The following KDM4C variants were observed in gnomAD, a reference collection of about 807,000 sequenced individuals.
KDM4C encodes the protein lysine-specific demethylase 4C.
In KDM4C, 81 loss-of-function variants were observed where a neutral mutation model predicts 129.3. That is an observed-to-expected ratio of 0.63 (90% CI 0.52 to 0.75). The LOEUF (loss-of-function observed/expected upper bound fraction) is 0.75, where lower values mean the gene tolerates loss of function less well. KDM4C is among the 30% of genes least tolerant of loss of function. The probability of loss-of-function intolerance (pLI) is 0.00; values close to 1 mark genes in which losing one functional copy is unlikely to be tolerated. For synonymous variants in KDM4C, 573 were observed against 456.1 expected (o/e 1.26, Z -3.26); for missense variants, 1,457 against 1,304.0 (o/e 1.12, Z -1.81).
intron 8 of KDM4C, among the ~76,000 whole-genome samples, chr9:6,930,128 A>G (rs1823395197): frequency 6.6e-6 from 1 of 152,198 alleles, no homozygotes; most frequent in Admixed American, 6.5e-5. Flanking sequence ...TCTATCGCCT[A>G]AGATTCCCTG....
intron 7 of KDM4C, among the ~76,000 whole-genome samples, chr9:6,890,902 G>A (rs374820163): frequency 1.8e-4 from 28 of 152,202 alleles, no homozygotes; most frequent in African/African-American, 5.3e-4. Context: ...AGCTTGAACC[G>A]TGCTGGGCAC....
chr9:6,824,989 C>CA (rs946283723), intron 4 of KDM4C, among the ~76,000 whole-genome samples: 10 of 151,392 alleles, frequency 6.6e-5, no homozygotes, highest in Non-Finnish European at 1.5e-4. Context: ...ACTAAAAATA[C>CA]AAAAAAATTA....
chr9:7,077,732 A>C (rs1260602579), intron 17 of KDM4C, among the ~76,000 whole-genome samples: 1 of 152,182 alleles, frequency 6.6e-6, no homozygotes, highest in Non-Finnish European at 1.5e-5. Flanking sequence ...GGACTTCACA[A>C]TGTAAGTCAG....
chr9:7,016,379 G>A (rs7848038), intron 15 of KDM4C, among the ~76,000 whole-genome samples: 74,345 of 147,974 alleles, frequency 0.5, 20,045 homozygotes, highest in Non-Finnish European at 0.61. Context: ...TGCTCGCCTC[G>A]GCCTCCCAAA....
At position 6,981,135 on chromosome 9, in the gene KDM4C, C is replaced by T; in HGVS notation, c.1115+17C>T. The T allele has an allele frequency of 1.9e-6, 3 of 1,588,426 alleles. No individual in the cohort carries two copies. The highest frequency in any genetic ancestry group is 2.6e-6 in the Non-Finnish European group (3 of 1,168,778). On this transcript the variant is annotated intron_variant, in intron 9 of 21. Transcript: ENST00000381309. ...ATCCCGAAGGTAATGACCCCTCACCCCACTGACCTGCCTTGCCTGTCGTGT... is the reference window on the plus strand; with the variant it reads ...ATCCCGAAGGTAATGACCCCTCACCTCACTGACCTGCCTTGCCTGTCGTGT...
At position 7,032,865 on chromosome 9, in the gene KDM4C, G is replaced by T. The variant is rs1196065863; in HGVS notation, c.2260-13997G>T. On this transcript the variant is annotated intron_variant, in intron 15 of 21. Transcript: ENST00000381309. ...CCAGCACTAACTTCTGGCGTTACTG[G>T]TTTTCTACTTAACGTAGAATAATTA... is the stretch of plus-strand genomic sequence containing the variant. Among the ~76,000 whole-genome samples, 6 of 152,158 alleles carry T rather than the reference G, an allele frequency of 3.9e-5. No individual in the cohort carries two copies. The East Asian group carries it at 9.6e-4, about 24-fold the overall frequency.
At chr9:6,807,876 C>T (rs1364382307) in intron 3 of KDM4C, among the ~76,000 whole-genome samples, 46 of 146,386 alleles carry the variant, frequency 3.1e-4, no homozygotes, top group African/African-American at 9.8e-4. Context: ...CCAGCCGCCC[C>T]GTCCGGGAGG....
intron 8 of KDM4C, among the ~76,000 whole-genome samples, chr9:6,952,150 C>G (rs1828267574): frequency 6.6e-6 from 1 of 151,972 alleles, no homozygotes; most frequent in Non-Finnish European, 1.5e-5. Flanking sequence ...AAATGCACCC[C>G]CTACAACCTG....
intron 17 of KDM4C, among the ~76,000 whole-genome samples, chr9:7,075,174 C>A (rs1461139352): frequency 1.3e-5 from 2 of 152,120 alleles, no homozygotes; most frequent in African/African-American, 4.8e-5. Context: ...TGTTCAGCAT[C>A]CCCCAGAACG....
At chr9:7,008,553 T>C (rs1822104167) in intron 12 of KDM4C, among the ~76,000 whole-genome samples, 1 of 152,194 alleles carries the variant, frequency 6.6e-6, no homozygotes, top group South Asian at 2.1e-4. Context: ...TAGTGAACCC[T>C]GGGTACAGGT....
chr9:7,013,029 T>TC (rs1186585651), intron 13 of KDM4C, among the ~76,000 whole-genome samples: 4 of 152,196 alleles, frequency 2.6e-5, no homozygotes, highest in African/African-American at 9.7e-5. Context: ...ACATTATTTT[T>TC]CTCTTCCTTT....
intron 4 of KDM4C, among the ~76,000 whole-genome samples, chr9:6,843,945 C>T (rs187727103): frequency 2.2e-3 from 341 of 152,222 alleles, no homozygotes; most frequent in Admixed American, 3.9e-3. Context: ...CAACTCCCTC[C>T]TCAGCCGCCT....
chr9:6,967,157 C>T (rs1331600498), intron 8 of KDM4C, among the ~76,000 whole-genome samples: 1 of 152,162 alleles, frequency 6.6e-6, no homozygotes, highest in African/African-American at 2.4e-5. Flanking sequence ...GGCATGGTGG[C>T]TCACACCTGT....
At chr9:7,033,391 A>G (rs887739903) in intron 15 of KDM4C, among the ~76,000 whole-genome samples, 14 of 152,198 alleles carry the variant, frequency 9.2e-5, no homozygotes, top group Non-Finnish European at 1.5e-4. Flanking sequence ...CATTTGAGGT[A>G]ATAGATTTGG....
chr9:6,925,055 T>G lies in KDM4C; in HGVS notation c.921+31823T>G, dbSNP rs927012521. ...TGAACCAGGTGTATAAGAATGAACA[T>G]TCAACGAAACATGCATCCTTTTTAA... On this transcript the variant is annotated intron_variant, in intron 8 of 21. Coordinates refer to ENST00000381309, the MANE Select transcript of KDM4C (RefSeq NM_015061.6). The G allele has an allele frequency of 4.1e-6, 4 of 985,392 alleles. No homozygotes were observed. The South Asian group carries it at 1.4e-4, about 35-fold the overall frequency. 61.0% of individuals were successfully genotyped at this position (985,392 alleles called of 1,614,324 possible).
intron 17 of KDM4C, among the ~76,000 whole-genome samples, chr9:7,055,113 A>T (rs540080400): frequency 2.8e-4 from 42 of 152,238 alleles, no homozygotes; most frequent in African/African-American, 9.6e-4. Context: ...GGGAGGCGGA[A>T]GTTGCAGTGA....
At chr9:7,127,868 C>A in intron 18 of KDM4C, 198 bp from the exon 19 acceptor site, 1 of 477,202 alleles carries the variant, frequency 2.1e-6, no homozygotes, top group South Asian at 3.5e-5. Context: ...TTAGTATAAA[C>A]AAGTAGTGTT....
At chr9:6,775,717 T>C (rs1822887925) in intron 1 of KDM4C, among the ~76,000 whole-genome samples, 2 of 151,998 alleles carry the variant, frequency 1.3e-5, no homozygotes, top group Non-Finnish European at 2.9e-5. Context: ...AGACGGGGTT[T>C]CTCCATGTTG....
intron 11 of KDM4C, among the ~76,000 whole-genome samples, chr9:6,989,117 C>A (rs1361930277): frequency 1.3e-5 from 2 of 152,092 alleles, no homozygotes; most frequent in East Asian, 1.9e-4. Context: ...TTATAATTTC[C>A]CATATTGTTT....
Sources: allele counts gnomAD v4.1 joint callset (sites outside exome capture counted in the v4.1 genomes callset), GRCh38; gene constraint gnomAD v4.1.1; transcripts MANE v1.5; gene names NCBI Gene and HGNC (gene_info 2026-07-23, HGNC 2026-07-21).